Variants in MAP4K3 observed in about 807,000 individuals in gnomAD.
The protein encoded by MAP4K3 is MAPK/ERK kinase kinase kinase 3.
In MAP4K3, 94 loss-of-function variants were observed where a neutral mutation model predicts 143.5. The observed-to-expected ratio is 0.65, with a 90% confidence interval of 0.55 to 0.78. MAP4K3 has a LOEUF of 0.78. Ranked by LOEUF, MAP4K3 falls within the 30% of genes least tolerant of loss-of-function variation. MAP4K3 has a pLI of 0.00. For synonymous variants in MAP4K3, 416 were observed against 347.2 expected (o/e 1.20, Z -2.20); for missense variants, 1,077 against 1,068.1 (o/e 1.01, Z -0.12).
In MAP4K3 at chr2:39,325,765, G is replaced by A. The variant is rs267599372; in HGVS notation, c.772C>T (p.Pro258Ser). The A allele has an allele frequency of 6.2e-7, 1 of 1,609,204 alleles. No individual in the cohort carries two copies. The highest frequency in any genetic ancestry group is 8.5e-7 in the Non-Finnish European group (1 of 1,178,272). ...TTTTCAGCAGTAGGTCTTTTTTTCG[G>A]ATTTTTGGTAAGTGCCATTTTCACA... ...HFVKMALTKN[P>S]KKRPTAEKLL... The change falls in exon 11 of 34, where the codon CCG becomes TCG. Residue 258 changes from proline to serine, a missense_variant. This residue lies in a region of MAP4K3 where 864 missense variants were observed against 801.2 expected (regional missense o/e 1.08). Transcript: ENST00000263881.
At chr2:39,316,060 AT>A (rs1683104253) in intron 12 of MAP4K3, among the ~76,000 whole-genome samples, 1 of 152,036 alleles carries the variant, frequency 6.6e-6, no homozygotes, top group Admixed American at 6.6e-5. Context: ...ATTTTTTTTA[AT>A]TAAAAAAATG....
intron 32 of MAP4K3, 29 bp from the exon 33 acceptor site, chr2:39,251,914 C>T (rs772102917): frequency 6.4e-7 from 1 of 1,566,966 alleles, no homozygotes; most frequent in Non-Finnish European, 8.8e-7. Context: ...AATTTAATTT[C>T]TGAAATTAAA....
In MAP4K3 at chr2:39,264,352, A is replaced by T. The variant is rs1206042481; in HGVS notation, c.2136+851T>A. ...GAAATTAATACTTCAATAGGTTTCA[A>T]ATTCTTGAAACTATATTTTCATCTG... On this transcript the variant is annotated intron_variant, in intron 28 of 33. Transcript: ENST00000263881. Among the ~76,000 whole-genome samples, 4 of 152,228 alleles carry T rather than the reference A, an allele frequency of 2.6e-5. No homozygotes were observed. In the East Asian group the frequency reaches 7.7e-4, roughly 29 times the overall value.
At chr2:39,407,394 G>C (rs553149986) in intron 1 of MAP4K3, among the ~76,000 whole-genome samples, 2 of 152,022 alleles carry the variant, frequency 1.3e-5, no homozygotes, top group African/African-American at 4.8e-5. Flanking sequence ...ATGCCAGTTG[G>C]AGAATGGTTT....
Position 39,249,400 on chromosome 2 carries a change from A to C in MAP4K3, c.*1218T>G, listed in dbSNP as rs953423325. 4 of 152,638 alleles carry C rather than the reference A, an allele frequency of 2.6e-5. No individual in the cohort carries two copies. Among genetic ancestry groups the C allele is most frequent in the African/African-American group, 9.6e-5 (4 of 41,458 alleles). 9.5% of individuals were successfully genotyped at this position (152,638 alleles called of 1,614,324 possible). On this transcript the variant is annotated 3_prime_UTR_variant, in exon 34 of 34. Coordinates refer to ENST00000263881, the MANE Select transcript of MAP4K3 (RefSeq NM_003618.4). Reference sequence around the variant, plus strand: ...TAGTTTGTTCTTAGTGTATATACTCACATTAAAATATAAAGAACATATACC... The same window carrying C: ...TAGTTTGTTCTTAGTGTATATACTCCCATTAAAATATAAAGAACATATACC...
At chr2:39,384,215 T>C (rs1666428763) in intron 1 of MAP4K3, among the ~76,000 whole-genome samples, 1 of 152,102 alleles carries the variant, frequency 6.6e-6, no homozygotes, top group African/African-American at 2.4e-5. Context: ...ATCGACAACT[T>C]GCTGATCCTT....
At chr2:39,327,514 A>C (rs1406685253) in intron 8 of MAP4K3, among the ~76,000 whole-genome samples, 1 of 152,178 alleles carries the variant, frequency 6.6e-6, no homozygotes, top group Non-Finnish European at 1.5e-5. Flanking sequence ...TTTTAAAAGC[A>C]ACTAATTGAA....
chr2:39,389,163 T>G (rs959336134), intron 1 of MAP4K3, among the ~76,000 whole-genome samples: 20 of 152,080 alleles, frequency 1.3e-4, no homozygotes, highest in African/African-American at 4.1e-4. Flanking sequence ...CAAAAATGAC[T>G]TGGCAGACAG....
chr2:39,369,151 A>G (rs899332363), intron 2 of MAP4K3, among the ~76,000 whole-genome samples: 6 of 151,512 alleles, frequency 4.0e-5, no homozygotes, highest in Admixed American at 6.6e-5. Flanking sequence ...AAACAAACGA[A>G]ATCCCACTGT....
At chr2:39,421,050 C>A (rs1167654211) in intron 1 of MAP4K3, among the ~76,000 whole-genome samples, 1 of 152,164 alleles carries the variant, frequency 6.6e-6, no homozygotes, top group African/African-American at 2.4e-5. Context: ...CACCATCTTC[C>A]ACATAATCTG....
chr2:39,273,691 T>G (rs1185648144), intron 24 of MAP4K3, among the ~76,000 whole-genome samples: 2 of 152,240 alleles, frequency 1.3e-5, no homozygotes, highest in Non-Finnish European at 2.9e-5. Flanking sequence ...TTTCATTTAC[T>G]GGGAAAATGT....
intron 17 of MAP4K3, 21 bp from the exon 18 acceptor site, chr2:39,292,847 CATT>C: frequency 6.3e-7 from 1 of 1,596,920 alleles, no homozygotes; most frequent in Non-Finnish European, 8.6e-7. Flanking sequence ...AGGATAATGT[CATT>C]GTTATTAAAT....
intron 2 of MAP4K3, among the ~76,000 whole-genome samples, chr2:39,370,482 C>T (rs1244182587): frequency 6.6e-6 from 1 of 152,146 alleles, no homozygotes; most frequent in Non-Finnish European, 1.5e-5. Context: ...AGCACCTCTA[C>T]TACCTCTCAG....
At chr2:39,382,445 A>G (rs1298885880) in intron 1 of MAP4K3, among the ~76,000 whole-genome samples, 2 of 152,240 alleles carry the variant, frequency 1.3e-5, no homozygotes, top group African/African-American at 4.8e-5. Flanking sequence ...TCTGCCAGTA[A>G]CCAGCAATGG....
In MAP4K3 at chr2:39,307,985, C is replaced by G. The variant is rs775325887; in HGVS notation, c.1077G>C (p.Leu359Phe). ...HHELPDSDGFLDSSEEIYYTA... is the reference protein window; with the variant it reads ...HHELPDSDGFFDSSEEIYYTA... ...TGTAGTATATTTCTTCTGAACTGTC[C>G]AAAAAACCATCACTGTCGGGCTGTT... The change falls in exon 15 of 34, where the codon TTG becomes TTC. Residue 359 changes from leucine (L) to phenylalanine (F), a missense_variant. Around this residue, in one of 2 missense-constraint regions of MAP4K3, gnomAD observed 864 missense variants for 801.2 expected, o/e 1.08. Transcript: ENST00000263881. The G allele has an allele frequency of 2.5e-6, 4 of 1,597,158 alleles. No individual in the cohort carries two copies. In the Admixed American group the frequency reaches 6.9e-5, roughly 28 times the overall value.
At chr2:39,287,425 G>A (rs539862027) in intron 20 of MAP4K3, among the ~76,000 whole-genome samples, 38 of 151,466 alleles carry the variant, frequency 2.5e-4, no homozygotes, top group Non-Finnish European at 5.0e-4. Flanking sequence ...AGTCTCCCAA[G>A]TAGCTGGGAT....
chr2:39,433,811 A>G (rs1665367378), intron 1 of MAP4K3, among the ~76,000 whole-genome samples: 2 of 152,338 alleles, frequency 1.3e-5, no homozygotes, highest in East Asian at 1.9e-4. Context: ...ATACGACTTT[A>G]GACAGTGCAG....
chr2:39,424,725 G>C (rs1665009601), intron 1 of MAP4K3, among the ~76,000 whole-genome samples: 1 of 151,138 alleles, frequency 6.6e-6, no homozygotes, highest in South Asian at 2.1e-4. Context: ...AGCTACCTTG[G>C]GAAGCTGAGG....
In MAP4K3 at chr2:39,254,355, C is replaced by T. The variant is rs1283615684; in HGVS notation, c.2541+95G>A. 1.1e-5 allele frequency: 11 copies of T among 958,394 alleles called. No individual in the cohort carries two copies. The East Asian group carries it at 2.4e-4, about 21-fold the overall frequency. The allele number at this position is 958,394 out of a possible 1,614,324, so 59.4% of individuals were successfully genotyped here. A position where few individuals can be genotyped will look rare whatever the true frequency, so the allele number is the denominator to read the frequency against. On this transcript the variant is annotated intron_variant, in intron 32 of 33. Coordinates refer to ENST00000263881, the MANE Select transcript of MAP4K3 (RefSeq NM_003618.4). ...ATACAGTAAGTATTAATAAAGTTAG[C>T]CAATCAAGCATTACTTGTATCATTT... is the stretch of plus-strand genomic sequence containing the variant.
Sources: allele counts gnomAD v4.1 joint callset (sites outside exome capture counted in the v4.1 genomes callset), GRCh38; gene constraint gnomAD v4.1.1; regional missense constraint gnomAD v4.1.1; transcripts MANE v1.5; gene names NCBI Gene and HGNC (gene_info 2026-07-23, HGNC 2026-07-21).